Variants in JRKL observed in about 807,000 individuals in gnomAD.
JRKL encodes JRK like, also known as jerky protein homolog-like.
A neutral mutation model predicts 34.7 loss-of-function variants in JRKL; 25 were observed. The ratio of observed to expected loss-of-function variants is 0.72; its 90% CI spans 0.53 to 1.01. The LOEUF (loss-of-function observed/expected upper bound fraction) is 1.01. Ranked by LOEUF, JRKL falls within the 50% of genes least tolerant of loss-of-function variation. The pLI, the probability that JRKL is intolerant of heterozygous loss-of-function variation, is 0.00. For synonymous variants in JRKL, 204 were observed against 212.8 expected, an observed-to-expected ratio of 0.96 and a Z score of 0.36; for missense variants, 495 against 615.7, an observed-to-expected ratio of 0.80 and a Z score of 2.07.
In JRKL at chr11:96,391,204, C is replaced by CT; in HGVS notation, c.557dup (p.Leu186PhefsTer4). On this transcript the variant is annotated frameshift_variant, in exon 2 of 2. Transcript: ENST00000332349. LOFTEE classifies it high-confidence loss of function. ...ATGAAACTGGACTCTTTTGGAAGTG[C>CT]TTGCCTTCTAGGATTTCAGTAATCA... 6.4e-7 allele frequency: 1 copy of CT among 1,555,064 alleles called. No homozygotes were observed. The highest frequency in any genetic ancestry group is 1.2e-5 in the South Asian group (1 of 84,928).
At position 96,392,338 on chromosome 11, in the gene JRKL, C is replaced by A; in HGVS notation, c.*114C>A. ...GACTTGGTCCTGTGAAATACAGGCA[C>A]AAAATGTATCTGAAGTGGTTTGAGG... On this transcript the variant is annotated 3_prime_UTR_variant, in exon 2 of 2. Coordinates refer to ENST00000332349, the MANE Select transcript of JRKL (RefSeq NM_001261833.2). 1 of 1,406,432 alleles carries A rather than the reference C, an allele frequency of 7.1e-7. No individual in the cohort carries two copies. 87.1% of individuals were successfully genotyped at this position (1,406,432 alleles called of 1,614,324 possible).
At position 96,392,760 on chromosome 11, in the gene JRKL, A is replaced by G. The variant is rs1866564717; in HGVS notation, c.*536A>G. 1 of 167,082 alleles carries G rather than the reference A, an allele frequency of 6.0e-6. No homozygotes were observed. The highest frequency in any genetic ancestry group is 2.4e-5 in the African/African-American group (1 of 41,462). 10.3% of individuals were successfully genotyped at this position (167,082 alleles called of 1,614,324 possible). A position where few individuals can be genotyped will look rare whatever the true frequency, so the allele number is the denominator to read the frequency against. On this transcript the variant is annotated 3_prime_UTR_variant, in exon 2 of 2. Coordinates refer to ENST00000332349, the MANE Select transcript of JRKL (RefSeq NM_001261833.2). ...TATGAATTATAGAAATTATGCCTTC[A>G]TTCTCTTACATTTGTGTGGGTTGCA...
At position 96,391,464 on chromosome 11, in the gene JRKL, C is replaced by CGCAAGTTCG; in HGVS notation, c.816_824dup (p.Gln273_Arg275dup). 5.2e-6 allele frequency: 8 copies of CGCAAGTTCG among 1,551,652 alleles called. No individual in the cohort carries two copies. The highest frequency in any genetic ancestry group is 6.1e-6 in the Non-Finnish European group (7 of 1,146,970). On this transcript the variant is annotated inframe_insertion, in exon 2 of 2. Coordinates refer to ENST00000332349, the MANE Select transcript of JRKL (RefSeq NM_001261833.2). ...CAATGGTTTGATAAAATTTTTGTGC[C>CGCAAGTTCG]GCAAGTTCGAGAGTATTTAAGATCT...
chr11:96,392,014 C>T lies in JRKL; in HGVS notation c.1365C>T (p.Gly455=). 2 of 1,613,892 alleles carry T rather than the reference C, an allele frequency of 1.2e-6. No individual in the cohort carries two copies. Among genetic ancestry groups the T allele is most frequent in the Non-Finnish European group, 1.7e-6 (2 of 1,179,960 alleles). The part of the protein sequence containing the change: ...TDSEIIRRAQ[G]QADESSENEE... ...GCGAAATCATCAGAAGAGCACAAGG[C>T]CAGGCAGATGAATCCAGTGAAAATG... Residue 455 remains glycine, a synonymous_variant, in exon 2 of 2, where the codon GGC becomes GGT. Coordinates refer to ENST00000332349, the MANE Select transcript of JRKL (RefSeq NM_001261833.2).
rs1360863706 is a variant in JRKL, at chr11:96,391,184, A to G, written c.535A>G (p.Thr179Ala). The G allele has an allele frequency of 3.6e-5, 57 of 1,563,816 alleles. No individual in the cohort carries two copies. The highest frequency in any genetic ancestry group is 4.9e-5 in the Non-Finnish European group (56 of 1,152,450). Residue 179 changes from threonine to alanine, a missense_variant, in exon 2 of 2, where the codon ACT (threonine) becomes GCT (alanine). Physicochemically the swap from Thr to Ala is moderately conservative, Grantham distance 58. Transcript: ENST00000332349. ...TGAACAAATCTACAATGCAGATGAA[A>G]CTGGACTCTTTTGGAAGTGCTTGCC... is the stretch of plus-strand genomic sequence containing the variant. ...QPEQIYNADE[T>A]GLFWKCLPSR...
chr11:96,390,629 G>C lies in JRKL; in HGVS notation c.-21G>C, dbSNP rs1866501677. ...GTGGATTGCTACATTGTGAGTGTGGGGTGAGTCCCAGAACCTCGCTATGTC... is the reference window on the plus strand; with the variant it reads ...GTGGATTGCTACATTGTGAGTGTGGCGTGAGTCCCAGAACCTCGCTATGTC... On this transcript the variant is annotated 5_prime_UTR_variant, in exon 2 of 2. Transcript: ENST00000332349. 4 of 1,552,264 alleles carry C rather than the reference G, an allele frequency of 2.6e-6. No individual in the cohort carries two copies. Among genetic ancestry groups the C allele is most frequent in the African/African-American group, 2.8e-5 (2 of 72,390 alleles).
In JRKL at chr11:96,392,085, C is replaced by T; in HGVS notation, c.1436C>T (p.Ala479Val). ...ELIPEKHINH[A>V]AALQWTENLL... ...ATTCCAGAGAAACATATTAATCATG[C>T]AGCTGCCCTCCAGTGGACTGAAAAT... Residue 479 changes from alanine (A) to valine (V), a missense_variant, in exon 2 of 2, where the codon GCA becomes GTA. Transcript: ENST00000332349. The T allele has an allele frequency of 6.2e-7, 1 of 1,613,972 alleles. No individual in the cohort carries two copies. The highest frequency in any genetic ancestry group is 1.3e-5 in the African/African-American group (1 of 75,024).
Position 96,390,834 on chromosome 11 carries a change from C to T in JRKL, c.185C>T (p.Thr62Ile). Residue 62 changes from threonine (T) to isoleucine (I), a missense_variant, in exon 2 of 2, where the codon ACA becomes ATA. Transcript: ENST00000332349. ...IITYASSSDSTSLLAKRKSMK... is the reference protein window; with the variant it reads ...IITYASSSDSISLLAKRKSMK... ...ACTTATGCAAGCAGTTCTGATTCCA[C>T]AAGTCTTTTGGCCAAGAGGAAATCT... 6.2e-7 allele frequency: 1 copy of T among 1,613,234 alleles called. No homozygotes were observed.
At position 96,392,151 on chromosome 11, in the gene JRKL, C is replaced by T; in HGVS notation, c.1502C>T (p.Pro501Leu). 6.2e-7 allele frequency: 1 copy of T among 1,612,568 alleles called. No homozygotes were observed. Among genetic ancestry groups the T allele is most frequent in the Non-Finnish European group, 8.5e-7 (1 of 1,179,548 alleles). Residue 501 changes from proline (P) to leucine (L), a missense_variant, in exon 2 of 2, where the codon CCT becomes CTT. Physicochemically the swap from Pro to Leu is moderately conservative, Grantham distance 98. Transcript: ENST00000332349. ...GAACAACAAGGTGATATGATTCTAC[C>T]TGATAGACTGGTAATACGTAAACTT... ...YLEQQGDMIL[P>L]DRLVIRKLRA...
chr11:96,390,734 A>T lies in JRKL; in HGVS notation c.85A>T (p.Lys29Ter), dbSNP rs751590681. ...GAAACTTGAAGACGGAGGTTCTTCCAAACAACTGGCAGTGATTTATGGAAT... is the reference window on the plus strand; with the variant it reads ...GAAACTTGAAGACGGAGGTTCTTCCTAACAACTGGCAGTGATTTATGGAAT... ...IKKLEDGGSSKQLAVIYGIGE... is the reference protein window; with the variant it reads ...IKKLEDGGSS The change falls in exon 2 of 2, where the codon AAA becomes TAA. Residue 29 changes from lysine (K) to a stop codon, truncating the protein, a stop_gained. Coordinates refer to ENST00000332349, the MANE Select transcript of JRKL (RefSeq NM_001261833.2). LOFTEE classifies it low-confidence loss of function (END_TRUNC). 1.2e-6 allele frequency: 2 copies of T among 1,611,974 alleles called. No homozygotes were observed. The highest frequency in any genetic ancestry group is 2.2e-5 in the South Asian group (2 of 90,608).
chr11:96,391,849 T>C lies in JRKL; in HGVS notation c.1200T>C (p.Phe400=). ...PMVEEKESLD[F]DVEDISVATV... ...TAGAGGAGAAAGAGAGCCTGGACTT[T>C]GATGTTGAAGATATTTCTGTGGCTA... is the stretch of plus-strand genomic sequence containing the variant. The change falls in exon 2 of 2, where the codon TTT becomes TTC. Residue 400 remains phenylalanine (F), a synonymous_variant. Transcript: ENST00000332349. 6.2e-7 allele frequency: 1 copy of C among 1,614,184 alleles called. No homozygotes were observed. The highest frequency in any genetic ancestry group is 8.5e-7 in the Non-Finnish European group (1 of 1,180,032).
Position 96,391,821 on chromosome 11 carries a change from T to C in JRKL, c.1172T>C (p.Met391Thr), listed in dbSNP as rs757928344. ...AGAGCATGGAAGAAGATTCTCCCTA[T>C]GGTAGAGGAGAAAGAGAGCCTGGAC... ...ISRAWKKILP[M>T]VEEKESLDFD... is the part of the protein sequence containing the mutation. The change falls in exon 2 of 2, where the codon ATG becomes ACG. Residue 391 changes from methionine (M) to threonine (T), a missense_variant. Coordinates refer to ENST00000332349, the MANE Select transcript of JRKL (RefSeq NM_001261833.2). The C allele has an allele frequency of 3.1e-6, 5 of 1,614,102 alleles. No homozygotes were observed. The highest frequency in any genetic ancestry group is 1.3e-5 in the African/African-American group (1 of 75,042).
chr11:96,390,524 C>T lies in JRKL; in HGVS notation c.-126C>T. ...CCCCAGCCCGGGAGGGGATCAGGGC[C>T]ACCAGGTTGCTGGTAAGGATGAAAG... is the stretch of plus-strand genomic sequence containing the variant. On this transcript the variant is annotated 5_prime_UTR_variant, in exon 2 of 2. Coordinates refer to ENST00000332349, the MANE Select transcript of JRKL (RefSeq NM_001261833.2). 1 of 1,256,076 alleles carries T rather than the reference C, an allele frequency of 8.0e-7. No individual in the cohort carries two copies. Among genetic ancestry groups the T allele is most frequent in the Non-Finnish European group, 1.1e-6 (1 of 931,632 alleles). 77.8% of individuals were successfully genotyped at this position (1,256,076 alleles called of 1,614,324 possible).
In JRKL at chr11:96,390,673, G is replaced by C; in HGVS notation, c.24G>C (p.Val8=). 2 of 1,590,318 alleles carry C rather than the reference G, an allele frequency of 1.3e-6. No individual in the cohort carries two copies. Among genetic ancestry groups the C allele is most frequent in the Non-Finnish European group, 1.7e-6 (2 of 1,172,162 alleles). Residue 8 remains valine, a synonymous_variant, in exon 2 of 2, where the codon GTG becomes GTC. Transcript: ENST00000332349. MSGKRKR[V]VLTIKDKLDI... is the part of the protein sequence containing the mutation. Reference sequence around the variant, plus strand: ...CTATGTCAGGGAAACGGAAGCGTGTGGTGTTGACTATTAAAGATAAGCTTG... The same window carrying C: ...CTATGTCAGGGAAACGGAAGCGTGTCGTGTTGACTATTAAAGATAAGCTTG...
chr11:96,390,895 A>C lies in JRKL; in HGVS notation c.246A>C (p.Ala82=). The C allele has an allele frequency of 6.2e-7, 1 of 1,614,252 alleles. No homozygotes were observed. The change falls in exon 2 of 2, where the codon GCA becomes GCC. Residue 82 remains alanine (A), a synonymous_variant. Coordinates refer to ENST00000332349, the MANE Select transcript of JRKL (RefSeq NM_001261833.2). Reference sequence around the variant, plus strand: ...CCATGTATGAGGAATTGGACAGGGCAATGCTGGAATGGTTCAACCAGCAAA... The same window carrying C: ...CCATGTATGAGGAATTGGACAGGGCCATGCTGGAATGGTTCAACCAGCAAA... ...KPSMYEELDR[A]MLEWFNQQRA...
rs1391437419 is a variant in JRKL, at chr11:96,393,132, T to C, written c.*908T>C. 6.0e-6 allele frequency: 1 copy of C among 165,576 alleles called. No homozygotes were observed. Among genetic ancestry groups the C allele is most frequent in the East Asian group, 1.9e-4 (1 of 5,204 alleles). 10.3% of individuals were successfully genotyped at this position (165,576 alleles called of 1,614,324 possible). ...AATTTGAGATTTAATAAGTTTTTTTTTTTTTTTTTTTAGTGTTTTTACTGC... is the reference window on the plus strand; with the variant it reads ...AATTTGAGATTTAATAAGTTTTTTTCTTTTTTTTTTTAGTGTTTTTACTGC... On this transcript the variant is annotated 3_prime_UTR_variant, in exon 2 of 2. Coordinates refer to ENST00000332349, the MANE Select transcript of JRKL (RefSeq NM_001261833.2).
chr11:96,390,570 T>TG lies in JRKL; in HGVS notation c.-79dup, dbSNP rs3842515. 572,549 of 1,512,286 alleles carry TG rather than the reference T, an allele frequency of 0.38. 110,019 individuals carry two copies. Among genetic ancestry groups the TG allele is most frequent in the Middle Eastern group, 0.42 (1,918 of 4,576 alleles). The allele number at this position is 1,512,286 out of a possible 1,614,324, so 93.7% of individuals were successfully genotyped here. A position where few individuals can be genotyped will look rare whatever the true frequency, so the allele number is the denominator to read the frequency against. On this transcript the variant is annotated 5_prime_UTR_variant, in exon 2 of 2. Coordinates refer to ENST00000332349, the MANE Select transcript of JRKL (RefSeq NM_001261833.2). The stretch of plus-strand genomic sequence containing the variant: ...GAAAGACTGAGTGTGTTAAGACTGT[T>TG]GAAGTGAGCCTGTGTAAGAGAAGGA...
rs1468075757 is a variant in JRKL at position 96,393,014 on chromosome 11, T to C, written c.*790T>C. The C allele has an allele frequency of 6.0e-6, 1 of 166,390 alleles. No individual in the cohort carries two copies. Among genetic ancestry groups the C allele is most frequent in the African/African-American group, 2.4e-5 (1 of 41,440 alleles). The allele number at this position is 166,390 out of a possible 1,614,324, so 10.3% of individuals were successfully genotyped here. On this transcript the variant is annotated 3_prime_UTR_variant, in exon 2 of 2. Transcript: ENST00000332349. ...ATTATGAATTTGGTAATAGTATAGGTTTATTATTTATTCATCTAATTTTAT... is the reference window on the plus strand; with the variant it reads ...ATTATGAATTTGGTAATAGTATAGGCTTATTATTTATTCATCTAATTTTAT...
Position 96,391,305 on chromosome 11 carries a change from G to C in JRKL, c.656G>C (p.Gly219Ala). 1 of 1,551,550 alleles carries C rather than the reference G, an allele frequency of 6.4e-7. No individual in the cohort carries two copies. The highest frequency in any genetic ancestry group is 8.7e-7 in the Non-Finnish European group (1 of 1,146,984). The change falls in exon 2 of 2, where the codon GGT (glycine) becomes GCT (alanine). Residue 219 changes from glycine (G) to alanine (A), a missense_variant. Physicochemically the swap from Gly to Ala is moderately conservative, Grantham distance 60 (BLOSUM62 0). Coordinates refer to ENST00000332349, the MANE Select transcript of JRKL (RefSeq NM_001261833.2). ...VTIMCCANAT[G>A]LHKLKLCVVG... Reference sequence around the variant, plus strand: ...ATCATGTGTTGTGCCAATGCAACAGGTTTACACAAACTTAAACTTTGTGTT... The same window carrying C: ...ATCATGTGTTGTGCCAATGCAACAGCTTTACACAAACTTAAACTTTGTGTT...
Sources: allele counts gnomAD v4.1 joint callset, GRCh38; gene constraint gnomAD v4.1.1; transcripts MANE v1.5; gene names NCBI Gene and HGNC (gene_info 2026-07-23, HGNC 2026-07-21).